The following SMG6 variants were observed in gnomAD, a reference collection of about 807,000 sequenced individuals.
SMG6 encodes the protein telomerase-binding protein EST1A.
In SMG6, 66 loss-of-function variants were observed where a neutral mutation model predicts 142.2. The observed-to-expected ratio is 0.46, with a 90% CI of 0.38 to 0.57. The LOEUF (loss-of-function observed/expected upper bound fraction) is 0.57, where lower values mean the gene tolerates loss of function less well. Among genes scored for constraint, SMG6 ranks in the 20% least tolerant of loss-of-function variants. SMG6 has a pLI of 0.00. For missense variants in SMG6, 1,793 were observed against 1,832.0 expected, an observed-to-expected ratio of 0.98 and a Z score of 0.39; for synonymous variants, 779 against 702.4, an observed-to-expected ratio of 1.11 and a Z score of -1.72.
intron 13 of SMG6, among the ~76,000 whole-genome samples, chr17:2,144,284 C>CTCA (rs2070590643): frequency 6.6e-6 from 1 of 152,000 alleles, no homozygotes. Context: ...CCAGGCTGGT[C>CTCA]TCAAACTCCT....
Position 2,299,665 on chromosome 17 carries a change from G to T in SMG6, c.1088C>A (p.Ser363Tyr). The T allele has an allele frequency of 6.2e-7, 1 of 1,614,224 alleles. No homozygotes were observed. The highest frequency in any genetic ancestry group is 8.5e-7 in the Non-Finnish European group (1 of 1,180,050). The change falls in exon 2 of 19, where the codon TCT (serine) becomes TAT (tyrosine). Residue 363 changes from serine to tyrosine, a missense_variant. Transcript: ENST00000263073. The surrounding 1 kb of genome is among the most constrained non-coding windows in gnomAD (Gnocchi z 4.3). Reference sequence around the variant, plus strand: ...ATCCCTGGCTGACCTCACCATGGGAGACTCTTTGTTCATGGCTTCTGCATC... The same window carrying T: ...ATCCCTGGCTGACCTCACCATGGGATACTCTTTGTTCATGGCTTCTGCATC... ...TFDAEAMNKE[S>Y]PMVRSARDDM...
intron 7 of SMG6, 56 bp from the exon 8 acceptor site, chr17:2,282,915 A>C: frequency 6.4e-7 from 1 of 1,566,156 alleles, no homozygotes; most frequent in Non-Finnish European, 8.8e-7. Context: ...TCACGCCTGT[A>C]ATCCCAGCAC....
At chr17:2,155,770 T>C (rs1362854863) in intron 13 of SMG6, among the ~76,000 whole-genome samples, 1 of 152,190 alleles carries the variant, frequency 6.6e-6, no homozygotes, top group Non-Finnish European at 1.5e-5. Flanking sequence ...TATGCACACA[T>C]ACAAATGCAG....
intron 15 of SMG6, among the ~76,000 whole-genome samples, chr17:2,075,573 A>G (rs2068235131): frequency 6.6e-6 from 1 of 152,218 alleles, no homozygotes; most frequent in African/African-American, 2.4e-5. Flanking sequence ...AGGTGCCAAG[A>G]GGCCACGCCT....
At chr17:2,127,801 A>G (rs1318543567) in intron 13 of SMG6, 30 of 551,402 alleles carry the variant, frequency 5.4e-5, no homozygotes. Flanking sequence ...ACTCTTCTCC[A>G]AAGTAATCAT....
rs549397227 is a variant in SMG6, at chr17:2,059,884, T to C, written c.*1608A>G. 2 of 161,774 alleles carry C rather than the reference T, an allele frequency of 1.2e-5. No individual in the cohort carries two copies. The highest frequency in any genetic ancestry group is 3.9e-4 in the East Asian group (2 of 5,184). 10.0% of individuals were successfully genotyped at this position (161,774 alleles called of 1,614,324 possible). A position where few individuals can be genotyped will look rare whatever the true frequency, so the allele number is the denominator to read the frequency against. Reference sequence around the variant, plus strand: ...AAATTTATTAAGGAAACAAAACCAGTGCTGCAAACGGGACAGAAAGGAGAG... The same window carrying C: ...AAATTTATTAAGGAAACAAAACCAGCGCTGCAAACGGGACAGAAAGGAGAG... On this transcript the variant is annotated 3_prime_UTR_variant, in exon 19 of 19. Coordinates refer to ENST00000263073, the MANE Select transcript of SMG6 (RefSeq NM_017575.5).
intron 15 of SMG6, among the ~76,000 whole-genome samples, chr17:2,080,047 C>T (rs566814653): frequency 2.0e-5 from 3 of 151,536 alleles, no homozygotes; most frequent in Admixed American, 6.6e-5. Context: ...TACACTCCAG[C>T]CTGGGCAACA....
At chr17:2,230,153 T>TG (rs1229012966) in intron 10 of SMG6, among the ~76,000 whole-genome samples, 8 of 112,970 alleles carry the variant, frequency 7.1e-5, no homozygotes, top group Non-Finnish European at 1.3e-4. Context: ...GCCACTGCAC[T>TG]CCAGCCTGGG....
chr17:2,244,537 G>A lies in SMG6; in HGVS notation c.2723+121C>T, dbSNP rs1252465097. The A allele has an allele frequency of 4.3e-6, 3 of 699,848 alleles. No individual in the cohort carries two copies. The East Asian group carries it at 8.1e-5, about 19-fold the overall frequency. The allele number at this position is 699,848 out of a possible 1,614,324, so 43.4% of individuals were successfully genotyped here. On this transcript the variant is annotated intron_variant, in intron 9 of 18. Coordinates refer to ENST00000263073, the MANE Select transcript of SMG6 (RefSeq NM_017575.5). ...GATGAAGGGAAGAGAAGAGAAGGTGGAGGCCTCTAAGAATTCACACCCTGT... is the reference window on the plus strand; with the variant it reads ...GATGAAGGGAAGAGAAGAGAAGGTGAAGGCCTCTAAGAATTCACACCCTGT...
intron 10 of SMG6, among the ~76,000 whole-genome samples, chr17:2,232,386 T>C (rs556868844): frequency 1.3e-5 from 2 of 152,250 alleles, no homozygotes; most frequent in Admixed American, 6.6e-5. Context: ...AGGAATGCCT[T>C]AGAGAGATTA....
intron 13 of SMG6, among the ~76,000 whole-genome samples, chr17:2,120,534 A>T (rs2069655596): frequency 6.6e-6 from 1 of 152,180 alleles, no homozygotes; most frequent in Non-Finnish European, 1.5e-5. Context: ...AGCATAGACA[A>T]CATAGCAATA....
rs1411332417 is a variant in SMG6 at position 2,299,062 on chromosome 17, A to G, written c.1691T>C (p.Met564Thr). The G allele has an allele frequency of 1.2e-6, 2 of 1,613,962 alleles. No homozygotes were observed. Among genetic ancestry groups the G allele is most frequent in the African/African-American group, 2.7e-5 (2 of 74,922 alleles). The change falls in exon 2 of 19, where the codon ATG becomes ACG. Residue 564 changes from methionine to threonine, a missense_variant. By Grantham distance (81) the Met-to-Thr change is moderately conservative. Around this residue, in one of 3 missense-constraint regions of SMG6, gnomAD observed 1,597 missense variants for 1,584.6 expected, o/e 1.01. Transcript: ENST00000263073. The surrounding 1 kb of genome is among the most constrained non-coding windows in gnomAD (Gnocchi z 4.3). ...YVCSPLPTST[M>T]SPEEVEQHMR... ...GTGCTGCTCTACCTCCTCGGGACTC[A>G]TGGTGCTGGTAGGTAGAGGGCTACA... is the stretch of plus-strand genomic sequence containing the variant.
At chr17:2,189,702 C>T (rs1325967898) in intron 10 of SMG6, among the ~76,000 whole-genome samples, 2 of 152,080 alleles carry the variant, frequency 1.3e-5, no homozygotes, top group African/African-American at 4.8e-5. Context: ...GGAGACAATA[C>T]CCAACCACAG....
chr17:2,107,354 T>TA (rs564815729), intron 13 of SMG6, among the ~76,000 whole-genome samples: 37 of 152,188 alleles, frequency 2.4e-4, no homozygotes, highest in African/African-American at 8.9e-4. Context: ...TTCCATGCTG[T>TA]AAAAAAGTGG....
At chr17:2,261,346 C>G (rs1430194065) in intron 8 of SMG6, among the ~76,000 whole-genome samples, 1 of 151,782 alleles carries the variant, frequency 6.6e-6, no homozygotes, top group African/African-American at 2.4e-5. Context: ...AGAATGACAG[C>G]GATACAAGTA....
intron 12 of SMG6, among the ~76,000 whole-genome samples, chr17:2,181,925 G>A (rs1404635007): frequency 6.6e-6 from 1 of 152,236 alleles, no homozygotes; most frequent in African/African-American, 2.4e-5. Flanking sequence ...AGAGGGAGGA[G>A]GGATGAAGGG....
At chr17:2,203,252 C>G (rs2072585385) in intron 10 of SMG6, among the ~76,000 whole-genome samples, 1 of 152,174 alleles carries the variant, frequency 6.6e-6, no homozygotes, top group South Asian at 2.1e-4. Context: ...ATTTTTGTTA[C>G]TTACAGGTTA....
chr17:2,116,018 A>G (rs1035022602), intron 13 of SMG6, among the ~76,000 whole-genome samples: 4 of 152,184 alleles, frequency 2.6e-5, no homozygotes, highest in Non-Finnish European at 4.4e-5. Context: ...CATTTCTTAA[A>G]TAAGACACAA....
chr17:2,295,947 T>C (rs2075133974), intron 4 of SMG6, among the ~76,000 whole-genome samples: 1 of 152,114 alleles, frequency 6.6e-6, no homozygotes. Flanking sequence ...CTATTTCCTT[T>C]CTTTCTTTCC....
Sources: gnomAD v4.1 joint callset for allele counts (sites outside exome capture counted in the v4.1 genomes callset) on GRCh38, gnomAD v4.1.1 for gene constraint, gnomAD v4.1.1 regional missense constraint, Gnocchi (gnomAD v3.1) non-coding constraint, MANE v1.5 for transcripts, NCBI Gene and HGNC (gene_info 2026-07-23, HGNC 2026-07-21) for gene names.